Variants in AUTS2 observed in about 807,000 individuals in gnomAD.
AUTS2 encodes the protein autism susceptibility gene 2 protein.
In AUTS2, 17 loss-of-function variants were observed where a neutral mutation model predicts 112.4. That is an observed-to-expected ratio of 0.15 (90% CI 0.10 to 0.23). The LOEUF is 0.23. Ranked by LOEUF, AUTS2 falls within the 10% of genes least tolerant of loss-of-function variation. The probability of loss-of-function intolerance (pLI) is 1.00; values close to 1 mark genes in which losing one functional copy is unlikely to be tolerated. For missense variants in AUTS2, 1,510 were observed against 1,701.6 expected, an observed-to-expected ratio of 0.89 and a Z score of 1.98; for synonymous variants, 751 against 702.7, an observed-to-expected ratio of 1.07 and a Z score of -1.09.
intron 1 of AUTS2, among the ~76,000 whole-genome samples, chr7:69,606,076 C>T (rs763046071): frequency 5.9e-5 from 9 of 151,804 alleles, no homozygotes; most frequent in East Asian, 1.9e-4. Flanking sequence ...TAAATGAATC[C>T]GTGAATTTAA....
intron 1 of AUTS2, among the ~76,000 whole-genome samples, chr7:69,787,354 A>G (rs1789422988): frequency 6.6e-6 from 1 of 152,232 alleles, no homozygotes; most frequent in African/African-American, 2.4e-5. Context: ...TTTCTGTCAT[A>G]GAAAGATAGC....
intron 2 of AUTS2, among the ~76,000 whole-genome samples, chr7:70,065,279 C>CAGTGCATT (rs1354484171): frequency 6.6e-6 from 1 of 152,120 alleles, no homozygotes; most frequent in Non-Finnish European, 1.5e-5. Flanking sequence ...ATGGCCAAAC[C>CAGTGCATT]AGTGCATTAC....
At chr7:70,740,053 A>G (rs1199916478) in intron 6 of AUTS2, among the ~76,000 whole-genome samples, 2 of 152,118 alleles carry the variant, frequency 1.3e-5, no homozygotes, top group Non-Finnish European at 2.9e-5. Context: ...AGCCCCTTTA[A>G]AAGGAGGTGT....
At chr7:70,118,021 T>C in intron 2 of AUTS2, 111 bp from the exon 3 acceptor site, 3 of 1,321,730 alleles carry the variant, frequency 2.3e-6, no homozygotes, top group Non-Finnish European at 3.0e-6. Context: ...GTGCTGGGAT[T>C]ACAGGCGTGA....
At chr7:70,179,134 A>G (rs1809162876) in intron 4 of AUTS2, among the ~76,000 whole-genome samples, 1 of 152,114 alleles carries the variant, frequency 6.6e-6, no homozygotes, top group Non-Finnish European at 1.5e-5. Context: ...TATGGCTCAG[A>G]GAGGATTGGA....
rs181106157 is a variant in AUTS2 at position 69,788,585 on chromosome 7, G to A, written c.310-110701G>A. 7.2e-5 allele frequency among the ~76,000 whole-genome samples: 11 copies of A among 152,272 alleles called. No homozygotes were observed. The East Asian group carries it at 1.2e-3, about 16-fold the overall frequency. ...CTTACAGTAGCGTTCCTCTGGTATTGTTTGAATACAGTTTAACCTGAAGGG... is the reference window on the plus strand; with the variant it reads ...CTTACAGTAGCGTTCCTCTGGTATTATTTGAATACAGTTTAACCTGAAGGG... On this transcript the variant is annotated intron_variant, in intron 1 of 18. Coordinates refer to ENST00000342771, the MANE Select transcript of AUTS2 (RefSeq NM_015570.4).
chr7:70,005,360 G>A (rs1209113524), intron 2 of AUTS2, among the ~76,000 whole-genome samples: 2 of 152,122 alleles, frequency 1.3e-5, no homozygotes, highest in Admixed American at 1.3e-4. Flanking sequence ...TGGGGGACAG[G>A]AACTGTGTTC....
At chr7:70,677,910 C>T (rs1386934781) in intron 5 of AUTS2, among the ~76,000 whole-genome samples, 2 of 152,006 alleles carry the variant, frequency 1.3e-5, no homozygotes, top group South Asian at 2.1e-4. Context: ...CATGAAACCC[C>T]GTCTCTACTA....
At chr7:69,819,570 C>T (rs1790897494) in intron 1 of AUTS2, among the ~76,000 whole-genome samples, 1 of 152,138 alleles carries the variant, frequency 6.6e-6, no homozygotes, top group Non-Finnish European at 1.5e-5. Flanking sequence ...TATTGGCTGC[C>T]TGTTCATGTT....
At chr7:69,638,350 G>GA (rs1219911812) in intron 1 of AUTS2, among the ~76,000 whole-genome samples, 1 of 152,192 alleles carries the variant, frequency 6.6e-6, no homozygotes, top group East Asian at 1.9e-4. Flanking sequence ...TAGAAGTTCA[G>GA]AAAGATGAAG....
chr7:70,558,261 G>C (rs529010903), intron 5 of AUTS2, among the ~76,000 whole-genome samples: 1 of 152,108 alleles, frequency 6.6e-6, no homozygotes, highest in Non-Finnish European at 1.5e-5. Context: ...GATACTCTGC[G>C]TAAAATTTAG....
chr7:69,968,208 T>A (rs1032653554), intron 2 of AUTS2, among the ~76,000 whole-genome samples: 3 of 152,190 alleles, frequency 2.0e-5, no homozygotes, highest in Non-Finnish European at 4.4e-5. Context: ...GGCTTAGAAT[T>A]TTTTTCCTCT....
intron 2 of AUTS2, among the ~76,000 whole-genome samples, chr7:70,107,429 C>T (rs987950295): frequency 2.7e-5 from 4 of 149,294 alleles, no homozygotes; most frequent in Non-Finnish European, 4.4e-5. Flanking sequence ...CTGCAACCTC[C>T]GTCTCCCAGG....
At chr7:70,087,810 T>G (rs1440958052) in intron 2 of AUTS2, among the ~76,000 whole-genome samples, 1 of 152,210 alleles carries the variant, frequency 6.6e-6, no homozygotes, top group Non-Finnish European at 1.5e-5. Flanking sequence ...CCTTAAATGT[T>G]TGGTAGGATT....
intron 5 of AUTS2, among the ~76,000 whole-genome samples, chr7:70,517,642 A>G (rs1413507371): frequency 6.7e-6 from 1 of 150,024 alleles, no homozygotes; most frequent in Non-Finnish European, 1.5e-5. Flanking sequence ...TATAAATTAT[A>G]CATGTATAAT....
intron 1 of AUTS2, among the ~76,000 whole-genome samples, chr7:69,620,729 C>T (rs1048422001): frequency 3.3e-5 from 5 of 152,082 alleles, no homozygotes; most frequent in East Asian, 1.9e-4. Flanking sequence ...TTTTGACTTC[C>T]GGGTGTGGGA....
intron 1 of AUTS2, among the ~76,000 whole-genome samples, chr7:69,619,882 C>T (rs1793578171): frequency 6.6e-6 from 1 of 152,084 alleles, no homozygotes; most frequent in South Asian, 2.1e-4. Flanking sequence ...GTGTCTAACA[C>T]AGAAAAAGAT....
At chr7:70,469,102 A>C (rs1410980451) in intron 5 of AUTS2, among the ~76,000 whole-genome samples, 1 of 152,240 alleles carries the variant, frequency 6.6e-6, no homozygotes, top group African/African-American at 2.4e-5. Context: ...TTTGAAAAAG[A>C]AAACTCATTC....
chr7:69,749,848 G>C (rs1271361493), intron 1 of AUTS2, among the ~76,000 whole-genome samples: 1 of 152,168 alleles, frequency 6.6e-6, no homozygotes, highest in East Asian at 1.9e-4. Context: ...CCTCTTGAGT[G>C]CCATTCTCAT....
Sources: allele counts gnomAD v4.1 joint callset (sites outside exome capture counted in the v4.1 genomes callset), GRCh38; gene constraint gnomAD v4.1.1; transcripts MANE v1.5; gene names NCBI Gene and HGNC (gene_info 2026-07-23, HGNC 2026-07-21).